AKAP13: variants seen among roughly 807,000 people sequenced by gnomAD.
The protein encoded by AKAP13 is A-kinase anchor protein 13.
In AKAP13, 80 loss-of-function variants were observed where a neutral mutation model predicts 264.5. The observed-to-expected ratio is 0.30, with a 90% confidence interval of 0.25 to 0.36. The LOEUF is 0.36. Among genes scored for constraint, AKAP13 ranks in the 10% least tolerant of loss-of-function variants. The pLI is 1.00. For synonymous variants in AKAP13, 1,380 were observed against 1,250.2 expected (o/e 1.10, Z -2.19); for missense variants, 3,712 against 3,435.2 (o/e 1.08, Z -2.01).
chr15:85,621,160 C>T (rs934565980), intron 8 of AKAP13: 72 of 152,184 alleles, frequency 4.7e-4, no homozygotes, highest in African/African-American at 1.7e-3. Flanking sequence ...TGGGTCTTTT[C>T]GATTTTTTTC....
chr15:85,694,194 A>G (rs1271619925), intron 17 of AKAP13, among the ~76,000 whole-genome samples: 1 of 152,256 alleles, frequency 6.6e-6, no homozygotes, highest in African/African-American at 2.4e-5. Flanking sequence ...ACATTAAGCC[A>G]TAGTGACGGC....
intron 8 of AKAP13, chr15:85,619,356 G>A (rs183171561): frequency 1.4e-4 from 135 of 976,876 alleles, no homozygotes; most frequent in Middle Eastern, 5.3e-4. Flanking sequence ...GAGGGAAGGA[G>A]GGAGGGAGGG....
At chr15:85,553,108 C>T (rs1353875460) in intron 5 of AKAP13, among the ~76,000 whole-genome samples, 184 of 95,316 alleles carry the variant, frequency 1.9e-3, no homozygotes, top group African/African-American at 7.0e-3. Context: ...TTTTTGGAGA[C>T]GGAGTTTCGC....
chr15:85,446,802 G>C (rs73448294), intron 1 of AKAP13, among the ~76,000 whole-genome samples: 6,091 of 150,624 alleles, frequency 0.04, 394 homozygotes, highest in African/African-American at 0.14. Flanking sequence ...TGATGAAGAG[G>C]ATTGAATTTA....
Position 85,458,627 on chromosome 15 carries a change from C to T in AKAP13, c.-11-27083C>T, listed in dbSNP as rs193083471. 4.5e-4 allele frequency among the ~76,000 whole-genome samples: 69 copies of T among 152,004 alleles called. 1 individual carries two copies. The highest frequency in any genetic ancestry group is 1.5e-3 in the African/African-American group (62 of 41,464). On this transcript the variant is annotated intron_variant, in intron 1 of 36. Coordinates refer to ENST00000394518, the MANE Select transcript of AKAP13 (RefSeq NM_007200.5). ...AATGTTTGATTTTTAATACCTAATA[C>T]GTATTAGACAGATTTCTACTGCGTT...
At chr15:85,551,006 G>A (rs2077944164) in intron 5 of AKAP13, among the ~76,000 whole-genome samples, 1 of 152,212 alleles carries the variant, frequency 6.6e-6, no homozygotes, top group African/African-American at 2.4e-5. Context: ...GGCTAAAGCA[G>A]CTTGTCCAAG....
At chr15:85,684,698 C>A (rs201604501) in intron 15 of AKAP13, 43 bp from the exon 16 acceptor site, 1 of 1,582,954 alleles carries the variant, frequency 6.3e-7, no homozygotes, top group Non-Finnish European at 8.6e-7. Context: ...TATTTAACTT[C>A]TGTAGCCCTT....
rs773396099 is a variant in AKAP13, at chr15:85,629,764, C to CTTTTTTTTTTT, written c.4162-9587_4162-9577dup. 8.1e-4 allele frequency among the ~76,000 whole-genome samples: 41 copies of CTTTTTTTTTTT among 50,526 alleles called. 4 individuals carry two copies. Among genetic ancestry groups the CTTTTTTTTTTT allele is most frequent in the Non-Finnish European group, 1.1e-3 (30 of 26,950 alleles). 33.1% of individuals were successfully genotyped at this position (50,526 alleles called of 152,430 possible). A position where few individuals can be genotyped will look rare whatever the true frequency, so the allele number is the denominator to read the frequency against. ...GAAATATAATGAGTTCCTTTACAGC[C>CTTTTTTTTTTT]TTTTTTTTTTTTTTTTTTTTTTTTT... is the stretch of plus-strand genomic sequence containing the variant. On this transcript the variant is annotated intron_variant, in intron 8 of 36. Transcript: ENST00000394518.
intron 10 of AKAP13, among the ~76,000 whole-genome samples, chr15:85,647,120 C>T (rs774785477): frequency 2.0e-5 from 3 of 152,088 alleles, no homozygotes; most frequent in Non-Finnish European, 2.9e-5. Flanking sequence ...AAGAATAGGC[C>T]GGGTGTGGTG....
intron 2 of AKAP13, among the ~76,000 whole-genome samples, chr15:85,494,227 G>A (rs992781473): frequency 2.0e-5 from 3 of 152,036 alleles, no homozygotes; most frequent in Admixed American, 1.3e-4. Flanking sequence ...AAGCCCTACT[G>A]GATCTAGCAA....
chr15:85,449,220 C>T (rs1306248349), intron 1 of AKAP13, among the ~76,000 whole-genome samples: 3 of 151,892 alleles, frequency 2.0e-5, no homozygotes, highest in Admixed American at 6.6e-5. Flanking sequence ...TGATTTGGCT[C>T]TCGATTTGGT....
At chr15:85,562,288 G>A (rs770855856) in intron 5 of AKAP13, among the ~76,000 whole-genome samples, 1 of 151,998 alleles carries the variant, frequency 6.6e-6, no homozygotes, top group Non-Finnish European at 1.5e-5. Context: ...ATCTCGGCCG[G>A]GCGTGGTGGC....
In AKAP13 at chr15:85,747,631, T is replaced by G; in HGVS notation, c.*2954T>G. ...CGTTAGGTGACATGTGCACTTTAAA[T>G]GCTCTCATCGGTTGGCTTCATTTTC... is the stretch of plus-strand genomic sequence containing the variant. On this transcript the variant is annotated 3_prime_UTR_variant, in exon 37 of 37. Transcript: ENST00000394518. 1 of 152,674 alleles carries G rather than the reference T, an allele frequency of 6.5e-6. No individual in the cohort carries two copies. The highest frequency in any genetic ancestry group is 1.9e-4 in the East Asian group (1 of 5,204). The allele number at this position is 152,674 out of a possible 1,614,324, so 9.5% of individuals were successfully genotyped here.
intron 33 of AKAP13, among the ~76,000 whole-genome samples, chr15:85,737,111 G>A (rs1001431490): frequency 6.6e-6 from 1 of 151,954 alleles, no homozygotes; most frequent in Non-Finnish European, 1.5e-5. Context: ...GTAGAGACGA[G>A]TTTTCATCAT....
chr15:85,544,076 T>G (rs778747126), intron 5 of AKAP13, 121 bp downstream of exon 5: 1 of 1,205,194 alleles, frequency 8.3e-7, no homozygotes, highest in Non-Finnish European at 1.2e-6. Context: ...CTCAGCTCTG[T>G]ATCTTGCCTT....
intron 2 of AKAP13, among the ~76,000 whole-genome samples, chr15:85,512,027 A>G (rs1173148094): frequency 6.6e-6 from 1 of 151,638 alleles, no homozygotes; most frequent in Non-Finnish European, 1.5e-5. Flanking sequence ...TTCTTTCAGT[A>G]TATACCACAT....
chr15:85,666,570 A>G (rs1460120938), intron 13 of AKAP13, among the ~76,000 whole-genome samples: 1 of 152,070 alleles, frequency 6.6e-6, no homozygotes, highest in Non-Finnish European at 1.5e-5. Context: ...TTATTTAGAG[A>G]CAGGGTCTCA....
intron 34 of AKAP13, 125 bp downstream of exon 34, chr15:85,740,397 G>T (rs2151781093): frequency 9.4e-7 from 1 of 1,058,932 alleles, no homozygotes; most frequent in East Asian, 2.5e-5. Context: ...CTCAGTCTAG[G>T]GAAGACTGGC....
intron 1 of AKAP13, among the ~76,000 whole-genome samples, chr15:85,404,451 T>C (rs2071574360): frequency 6.6e-6 from 1 of 152,248 alleles, no homozygotes; most frequent in African/African-American, 2.4e-5. Context: ...TGCCCATTCA[T>C]GCATTTGAGA....
Sources: allele counts gnomAD v4.1 joint callset (sites outside exome capture counted in the v4.1 genomes callset), GRCh38; gene constraint gnomAD v4.1.1; transcripts MANE v1.5; gene names NCBI Gene and HGNC (gene_info 2026-07-23, HGNC 2026-07-21).